Variants in C6orf136 observed in about 807,000 individuals in gnomAD.
C6orf136 encodes chromosome 6 open reading frame 136.
Under a neutral mutation model 44.0 loss-of-function variants are expected in C6orf136, and 29 were observed. That is an observed-to-expected ratio of 0.66 (90% CI 0.49 to 0.90). The LOEUF (loss-of-function observed/expected upper bound fraction) is 0.90. Ranked by LOEUF, C6orf136 falls within the 40% of genes least tolerant of loss-of-function variation. The probability of loss-of-function intolerance (pLI) is 0.00; values close to 1 mark genes in which losing one functional copy is unlikely to be tolerated. For missense variants in C6orf136, 628 were observed against 669.3 expected, an observed-to-expected ratio of 0.94 and a Z score of 0.68; for synonymous variants, 293 against 278.6, an observed-to-expected ratio of 1.05 and a Z score of -0.52.
rs562564429 is a variant in C6orf136 at position 30,653,022 on chromosome 6, C to T, written c.*107C>T. ...CCAGCTTCCTCTCCTCGTTTCTCTCCTTCCTTCCTTTCCATCTCATGCTGT... is the reference window on the plus strand; with the variant it reads ...CCAGCTTCCTCTCCTCGTTTCTCTCTTTCCTTCCTTTCCATCTCATGCTGT... On this transcript the variant is annotated 3_prime_UTR_variant, in exon 6 of 6. Coordinates refer to ENST00000651131, the MANE Select transcript of C6orf136 (RefSeq NM_001161376.2). 40 of 1,166,536 alleles carry T rather than the reference C, an allele frequency of 3.4e-5. No individual in the cohort carries two copies. The highest frequency in any genetic ancestry group is 4.2e-5 in the Admixed American group (2 of 47,562). 72.3% of individuals were successfully genotyped at this position (1,166,536 alleles called of 1,614,324 possible).
intron 1 of C6orf136, among the ~76,000 whole-genome samples, chr6:30,648,382 G>GC (rs1425802988): frequency 6.6e-6 from 1 of 150,960 alleles, no homozygotes; most frequent in East Asian, 2.0e-4. Flanking sequence ...AGGTGAAACT[G>GC]CCCCCAGTGT....
At chr6:30,652,530 G>A in intron 4 of C6orf136, 118 bp from the exon 5 acceptor site, 1 of 874,682 alleles carries the variant, frequency 1.1e-6, no homozygotes, top group Non-Finnish European at 2.0e-6. Flanking sequence ...ATGTTTGTAA[G>A]TTGCCCAGGT....
At chr6:30,650,189 T>A (rs1767273981) in intron 2 of C6orf136, among the ~76,000 whole-genome samples, 1 of 147,828 alleles carries the variant, frequency 6.8e-6, no homozygotes, top group Non-Finnish European at 1.5e-5. Flanking sequence ...AGGTCAGGAG[T>A]TCAAGACCAG....
rs1255433741 is a variant in C6orf136, at chr6:30,647,496, C to T, written c.265C>T (p.Arg89Cys). 1 of 1,494,686 alleles carries T rather than the reference C, an allele frequency of 6.7e-7. No individual in the cohort carries two copies. The highest frequency in any genetic ancestry group is 9.0e-7 in the Non-Finnish European group (1 of 1,115,496). 92.6% of individuals were successfully genotyped at this position (1,494,686 alleles called of 1,614,324 possible). A position where few individuals can be genotyped will look rare whatever the true frequency, so the allele number is the denominator to read the frequency against. ...GGGAGGGAGGCGCTGCCGGGCCTGT[C>T]GCGCAAGGACGTCGGTCCTCCCAGG... ...GAGGRRCRAC[R>C]ARTSVLPGLR... The change falls in exon 1 of 6, where the codon CGC (arginine) becomes TGC (cysteine). Residue 89 changes from arginine to cysteine, a missense_variant. Coordinates refer to ENST00000651131, the MANE Select transcript of C6orf136 (RefSeq NM_001161376.2). This position sits in a 1 kb window ranked among gnomAD's most constrained non-coding sequence, Gnocchi z 4.8.
intron 1 of C6orf136, among the ~76,000 whole-genome samples, chr6:30,649,140 G>C (rs1767170260): frequency 6.6e-6 from 1 of 152,220 alleles, no homozygotes; most frequent in African/African-American, 2.4e-5. Flanking sequence ...AGAGGCGGGT[G>C]GATCACGAGG....
Position 30,649,924 on chromosome 6 carries a change from C to A in C6orf136, c.982C>A (p.His328Asn). The change falls in exon 2 of 6, where the codon CAT becomes AAT. Residue 328 changes from histidine to asparagine, a missense_variant. His to Asn is a moderately conservative substitution (Grantham distance 68). This residue lies in a region of C6orf136 where 497 missense variants were observed against 469.2 expected (regional missense o/e 1.06). Coordinates refer to ENST00000651131, the MANE Select transcript of C6orf136 (RefSeq NM_001161376.2). ...GTCAGGAGATCCTAGTATGGAGGAA[C>A]ATCTGTCTGTCATGTATGAGAGACT... Reference protein sequence around the residue: ...TPSGDPSMEEHLSVMYERLRQ... With the variant: ...TPSGDPSMEENLSVMYERLRQ... 6.2e-7 allele frequency: 1 copy of A among 1,613,842 alleles called. No individual in the cohort carries two copies.
chr6:30,650,394 A>C (rs1425673220), intron 2 of C6orf136, among the ~76,000 whole-genome samples: 1 of 150,494 alleles, frequency 6.6e-6, no homozygotes, highest in East Asian at 2.0e-4. Context: ...CTCAAAAAAA[A>C]AAAAAAGAAA....
At chr6:30,649,519 T>G in intron 1 of C6orf136, 39 bp from the exon 2 acceptor site, 2 of 1,554,796 alleles carry the variant, frequency 1.3e-6, no homozygotes, top group Non-Finnish European at 8.6e-7. Context: ...GTTAGACAAG[T>G]GGATTCTTAT....
intron 1 of C6orf136, among the ~76,000 whole-genome samples, chr6:30,649,288 G>A (rs1483981092): frequency 2.6e-5 from 4 of 152,062 alleles, no homozygotes; most frequent in Non-Finnish European, 4.4e-5. Flanking sequence ...ACTTGAACCC[G>A]GGAGGCGGAG....
At chr6:30,652,620 C>T in intron 4 of C6orf136, 28 bp from the exon 5 acceptor site, 1 of 1,604,218 alleles carries the variant, frequency 6.2e-7, no homozygotes, top group South Asian at 1.1e-5. Context: ...TCACCTTCTC[C>T]CTCAGTAAGC....
chr6:30,647,807 C>T lies in C6orf136; in HGVS notation c.576C>T (p.Pro192=), dbSNP rs1767006515. The part of the protein sequence containing the change: ...LRPGWQDGHA[P]SRDGASRTPS... ...CGGGCTGGCAAGATGGCCACGCCCC[C>T]AGCAGAGACGGCGCCTCTAGGACAC... is the stretch of plus-strand genomic sequence containing the variant. The change falls in exon 1 of 6, where the codon CCC becomes CCT. Residue 192 remains proline, a synonymous_variant. Coordinates refer to ENST00000651131, the MANE Select transcript of C6orf136 (RefSeq NM_001161376.2). The surrounding 1 kb of genome is among the most constrained non-coding windows in gnomAD (Gnocchi z 4.8). The T allele has an allele frequency of 6.5e-7, 1 of 1,533,972 alleles. No individual in the cohort carries two copies. The highest frequency in any genetic ancestry group is 8.8e-7 in the Non-Finnish European group (1 of 1,141,890).
chr6:30,647,847 G>A lies in C6orf136; in HGVS notation c.615+1G>A. 1 of 1,478,282 alleles carries A rather than the reference G, an allele frequency of 6.8e-7. No individual in the cohort carries two copies. Among genetic ancestry groups the A allele is most frequent in the Non-Finnish European group, 9.0e-7 (1 of 1,115,080 alleles). 91.6% of individuals were successfully genotyped at this position (1,478,282 alleles called of 1,614,324 possible). A position where few individuals can be genotyped will look rare whatever the true frequency, so the allele number is the denominator to read the frequency against. ...CTCTAGGACACCATCGGGGACCGAG[G>A]TACCCGAGCGGTCCGCCCGCCTTCC... On this transcript the variant is annotated splice_donor_variant, in intron 1 of 5. Coordinates refer to ENST00000651131, the MANE Select transcript of C6orf136 (RefSeq NM_001161376.2). LOFTEE classifies it high-confidence loss of function. The surrounding 1 kb of genome is among the most constrained non-coding windows in gnomAD (Gnocchi z 4.8).
chr6:30,652,573 C>A (rs939354213), intron 4 of C6orf136, 75 bp from the exon 5 acceptor site: 2 of 1,352,484 alleles, frequency 1.5e-6, no homozygotes, highest in Non-Finnish European at 2.1e-6. Context: ...AGGGACTACT[C>A]GTTTAAACAA....
rs1767612080 is a variant in C6orf136, at chr6:30,653,165, A to ATAAT, written c.*252_*255dup. 1.3e-6 allele frequency: 2 copies of ATAAT among 1,498,080 alleles called. No homozygotes were observed. The highest frequency in any genetic ancestry group is 1.8e-6 in the Non-Finnish European group (2 of 1,116,006). The allele number at this position is 1,498,080 out of a possible 1,614,324, so 92.8% of individuals were successfully genotyped here. Reference sequence around the variant, plus strand: ...TGTTCCCACAAGCTTTATTCCAAAAATAATTTTATTTAATAGGTATTAAAT... The same window carrying ATAAT: ...TGTTCCCACAAGCTTTATTCCAAAAATAATTAATTTTATTTAATAGGTATTAAAT... On this transcript the variant is annotated 3_prime_UTR_variant, in exon 6 of 6. Transcript: ENST00000651131.
At position 30,647,173 on chromosome 6, in the gene C6orf136, C is replaced by G; in HGVS notation, c.-59C>G. On this transcript the variant is annotated 5_prime_UTR_variant, in exon 1 of 6. Coordinates refer to ENST00000651131, the MANE Select transcript of C6orf136 (RefSeq NM_001161376.2). The surrounding 1 kb of genome is among the most constrained non-coding windows in gnomAD (Gnocchi z 4.8). ...CGAAGCCGGCTCTGGGGCGCGCTCA[C>G]CCCTGTGAGGAGGCCGGAGGTCGGA... 1 of 1,477,788 alleles carries G rather than the reference C, an allele frequency of 6.8e-7. No individual in the cohort carries two copies. Among genetic ancestry groups the G allele is most frequent in the Non-Finnish European group, 9.0e-7 (1 of 1,116,608 alleles). The allele number at this position is 1,477,788 out of a possible 1,614,324, so 91.5% of individuals were successfully genotyped here.
At position 30,651,432 on chromosome 6, in the gene C6orf136, C is replaced by T. The variant is rs749442787; in HGVS notation, c.1273C>T (p.Arg425Trp). ...VGLPVHLLFL[R>W]FYKRDKDEHY... The stretch of plus-strand genomic sequence containing the variant: ...GCTGCCCGTCCACTTGCTCTTTTTG[C>T]GGTTCTACAAGCGTGACAAAGACGA... Residue 425 changes from arginine to tryptophan, a missense_variant, in exon 4 of 6, where the codon CGG (arginine) becomes TGG (tryptophan). By Grantham distance (101) the Arg-to-Trp change is moderately radical. Around this residue, in one of 2 missense-constraint regions of C6orf136, gnomAD observed 131 missense variants for 200.1 expected, o/e 0.65. Coordinates refer to ENST00000651131, the MANE Select transcript of C6orf136 (RefSeq NM_001161376.2). The T allele has an allele frequency of 8.1e-6, 13 of 1,611,180 alleles. No individual in the cohort carries two copies. The highest frequency in any genetic ancestry group is 2.7e-5 in the African/African-American group (2 of 74,964).
At chr6:30,651,861 A>G (rs1022390167) in intron 4 of C6orf136, among the ~76,000 whole-genome samples, 4 of 151,402 alleles carry the variant, frequency 2.6e-5, no homozygotes, top group African/African-American at 4.9e-5. Context: ...AGTTTATGTT[A>G]ATGTTAAAAA....
At position 30,649,729 on chromosome 6, in the gene C6orf136, G is replaced by T; in HGVS notation, c.787G>T (p.Ala263Ser). 1.2e-6 allele frequency: 2 copies of T among 1,613,778 alleles called. No individual in the cohort carries two copies. Among genetic ancestry groups the T allele is most frequent in the South Asian group, 1.1e-5 (1 of 91,070 alleles). Residue 263 changes from alanine to serine, a missense_variant, in exon 2 of 6, where the codon GCA (alanine) becomes TCA (serine). Physicochemically the swap from Ala to Ser is moderately conservative, Grantham distance 99. Transcript: ENST00000651131. Reference protein sequence around the residue: ...PLPQIQALSSAWVVLPPGKGE... With the variant: ...PLPQIQALSSSWVVLPPGKGE... ...CCCTCAGATCCAGGCCCTCAGCTCA[G>T]CATGGGTGGTTCTCCCTCCAGGAAA... is the stretch of plus-strand genomic sequence containing the variant.
At position 30,647,174 on chromosome 6, in the gene C6orf136, C is replaced by T. The variant is rs1226815720; in HGVS notation, c.-58C>T. ...GAAGCCGGCTCTGGGGCGCGCTCAC[C>T]CCTGTGAGGAGGCCGGAGGTCGGAC... On this transcript the variant is annotated 5_prime_UTR_variant, in exon 1 of 6. Transcript: ENST00000651131. This position sits in a 1 kb window ranked among gnomAD's most constrained non-coding sequence, Gnocchi z 4.8. 1.4e-6 allele frequency: 2 copies of T among 1,480,128 alleles called. No homozygotes were observed. Among genetic ancestry groups the T allele is most frequent in the Non-Finnish European group, 1.8e-6 (2 of 1,118,242 alleles). The allele number at this position is 1,480,128 out of a possible 1,614,324, so 91.7% of individuals were successfully genotyped here. A position where few individuals can be genotyped will look rare whatever the true frequency, so the allele number is the denominator to read the frequency against.
Sources: allele counts gnomAD v4.1 joint callset (sites outside exome capture counted in the v4.1 genomes callset), GRCh38; gene constraint gnomAD v4.1.1; regional missense constraint gnomAD v4.1.1; non-coding constraint Gnocchi (gnomAD v3.1); transcripts MANE v1.5; gene names NCBI Gene and HGNC (gene_info 2026-07-23, HGNC 2026-07-21).